GJA8: variants seen among roughly 807,000 people sequenced by gnomAD.
GJA8 encodes gap junction alpha-8 protein.
Under a neutral mutation model 15.3 loss-of-function variants are expected in GJA8, and 13 were observed. That is an observed-to-expected ratio of 0.85 (90% confidence interval 0.55 to 1.35). The LOEUF is 1.35. Among genes scored for constraint, GJA8 ranks in the 40% most tolerant of loss-of-function variants. The pLI, the probability that GJA8 is intolerant of heterozygous loss-of-function variation, is 0.00. For synonymous variants in GJA8, 304 were observed against 238.7 expected (o/e 1.27, Z -2.52); for missense variants, 607 against 553.3 (o/e 1.10, Z -0.97).
downstream of GJA8, among the ~76,000 whole-genome samples, chr1:147,912,895 TAAAA>T (rs782718322): frequency 0.035 from 4,215 of 118,948 alleles, 71 homozygotes; most frequent in Non-Finnish European, 0.043. Context: ...GGGCATTATT[TAAAA>T]AAAAAAAAAA....
downstream of GJA8, among the ~76,000 whole-genome samples, chr1:147,910,848 A>C (rs1443954036): frequency 6.6e-6 from 1 of 152,178 alleles, no homozygotes; most frequent in East Asian, 1.9e-4. Flanking sequence ...GTCTCAGGCC[A>C]AGCTTCATCC....
At chr1:147,907,620 G>T (rs1160044588) in intron 1 of GJA8, among the ~76,000 whole-genome samples, 1 of 152,134 alleles carries the variant, frequency 6.6e-6, no homozygotes, top group African/African-American at 2.4e-5. Context: ...GGTCAACAAT[G>T]AATCCTTATT....
In GJA8 at chr1:147,908,445, G is replaced by C; in HGVS notation, c.490G>C (p.Gly164Arg). 1 of 1,614,154 alleles carries C rather than the reference G, an allele frequency of 6.2e-7. No individual in the cohort carries two copies. Among genetic ancestry groups the C allele is most frequent in the Middle Eastern group, 1.6e-4 (1 of 6,062 alleles). The change falls in exon 2 of 2, where the codon GGC (glycine) becomes CGC (arginine). Residue 164 changes from glycine (G) to arginine (R), a missense_variant. Gly to Arg is a moderately radical substitution (Grantham distance 125). Coordinates refer to ENST00000369235, the MANE Select transcript of GJA8 (RefSeq NM_005267.5). ...HIIFKTLFEVGFIVGHYFLYG... is the reference protein window; with the variant it reads ...HIIFKTLFEVRFIVGHYFLYG... ...CATCTTCAAGACCCTCTTTGAAGTG[G>C]GCTTCATCGTGGGCCACTACTTCCT...
Position 147,902,877 on chromosome 1 carries a change from G to T in GJA8, c.-12+16G>T, listed in dbSNP as rs587694184. On this transcript the variant is annotated intron_variant, in intron 1 of 1. Transcript: ENST00000369235. ...CCTTGTATTGGCAAGTTTTCCTTGG[G>T]TGATATTAGTTTGTAACCTTCCCCC... Among the ~76,000 whole-genome samples the T allele has an allele frequency of 6.6e-6, 1 of 152,314 alleles. No homozygotes were observed. Among genetic ancestry groups the T allele is most frequent in the Non-Finnish European group, 1.5e-5 (1 of 68,030 alleles).
In GJA8 at chr1:147,908,500, G is replaced by A. The variant is rs782398342; in HGVS notation, c.545G>A (p.Arg182His). The A allele has an allele frequency of 5.6e-6, 9 of 1,614,144 alleles. No individual in the cohort carries two copies. Among genetic ancestry groups the A allele is most frequent in the South Asian group, 3.3e-5 (3 of 91,076 alleles). The change falls in exon 2 of 2, where the codon CGC becomes CAC. Residue 182 changes from arginine to histidine, a missense_variant. By Grantham distance (29) the Arg-to-His change is conservative. Coordinates refer to ENST00000369235, the MANE Select transcript of GJA8 (RefSeq NM_005267.5). ...LYGFRILPLY[R>H]CSRWPCPNVV... ...GGGTTCCGGATCCTGCCTCTGTACC[G>A]CTGCAGCCGGTGGCCCTGCCCCAAT...
downstream of GJA8, among the ~76,000 whole-genome samples, chr1:147,911,733 G>A (rs1291295854): frequency 2.6e-5 from 4 of 152,174 alleles, no homozygotes; most frequent in East Asian, 1.9e-4. Flanking sequence ...ATTTTAGGAA[G>A]AGCCTTATGA....
In GJA8 at chr1:147,909,201, C is replaced by T. The variant is rs200118654; in HGVS notation, c.1246C>T (p.Leu416=). ...PELTTDDARP[L]SRLSKASSRA... ...GCTGACAACAGATGATGCCAGACCC[C>T]TGAGCAGGCTAAGCAAAGCCAGCAG... Residue 416 remains leucine (L), a synonymous_variant, in exon 2 of 2, where the codon CTG becomes TTG. Coordinates refer to ENST00000369235, the MANE Select transcript of GJA8 (RefSeq NM_005267.5). 1 of 1,588,744 alleles carries T rather than the reference C, an allele frequency of 6.3e-7. No homozygotes were observed. The highest frequency in any genetic ancestry group is 2.3e-5 in the East Asian group (1 of 43,050).
Position 147,908,289 on chromosome 1 carries a change from G to A in GJA8, c.334G>A (p.Glu112Lys). 1 of 1,614,166 alleles carries A rather than the reference G, an allele frequency of 6.2e-7. No individual in the cohort carries two copies. The highest frequency in any genetic ancestry group is 8.5e-7 in the Non-Finnish European group (1 of 1,180,018). ...GGAGAAGCGCAAAAGCCGCGAGGCG[G>A]AGGAGCTGGGCCAGCAGGCGGGGAC... ...MEEKRKSREA[E>K]ELGQQAGTNG... Residue 112 changes from glutamate to lysine, a missense_variant, in exon 2 of 2, where the codon GAG becomes AAG. Coordinates refer to ENST00000369235, the MANE Select transcript of GJA8 (RefSeq NM_005267.5).
chr1:147,909,625 G>A (rs890607355), downstream of GJA8, among the ~76,000 whole-genome samples: 1 of 152,150 alleles, frequency 6.6e-6, no homozygotes. Flanking sequence ...AGCTCACTAA[G>A]CCAGAATCTA....
Position 147,908,598 on chromosome 1 carries a change from G to C in GJA8, c.643G>C (p.Val215Leu). The change falls in exon 2 of 2, where the codon GTG becomes CTG. Residue 215 changes from valine (V) to leucine (L), a missense_variant. Transcript: ENST00000369235. ...FILFMLSVAS[V>L]SLFLNVMELG... ...CCTGTTCATGTTGTCTGTGGCCTCTGTGTCCCTATTCCTCAACGTGATGGA... is the reference window on the plus strand; with the variant it reads ...CCTGTTCATGTTGTCTGTGGCCTCTCTGTCCCTATTCCTCAACGTGATGGA... 1 of 1,614,118 alleles carries C rather than the reference G, an allele frequency of 6.2e-7. No individual in the cohort carries two copies. Among genetic ancestry groups the C allele is most frequent in the South Asian group, 1.1e-5 (1 of 91,072 alleles).
downstream of GJA8, among the ~76,000 whole-genome samples, chr1:147,910,598 T>G (rs1553243347): frequency 3.3e-5 from 5 of 152,238 alleles, no homozygotes; most frequent in African/African-American, 1.2e-4. Context: ...AGTTTGTTTT[T>G]CCTGAAGCAA....
rs1553242777 is a variant in GJA8, at chr1:147,908,618, G to A, written c.663G>A (p.Val221=). 1 of 1,614,144 alleles carries A rather than the reference G, an allele frequency of 6.2e-7. No individual in the cohort carries two copies. The highest frequency in any genetic ancestry group is 8.5e-7 in the Non-Finnish European group (1 of 1,180,040). Residue 221 remains valine (V), a synonymous_variant, in exon 2 of 2, where the codon GTG becomes GTA. Coordinates refer to ENST00000369235, the MANE Select transcript of GJA8 (RefSeq NM_005267.5). ...CCTCTGTGTCCCTATTCCTCAACGT[G>A]ATGGAGTTGGGCCACCTGGGCCTGA... ...SVASVSLFLN[V]MELGHLGLKG...
Position 147,908,209 on chromosome 1 carries a change from T to C in GJA8, c.254T>C (p.Val85Ala). Reference protein sequence around the residue: ...IRLWVLQIIFVSTPSLMYVGH... With the variant: ...IRLWVLQIIFASTPSLMYVGH... ...CTCTGGGTGCTGCAGATCATCTTCGTCTCCACCCCGTCCCTGATGTACGTG... is the reference window on the plus strand; with the variant it reads ...CTCTGGGTGCTGCAGATCATCTTCGCCTCCACCCCGTCCCTGATGTACGTG... Residue 85 changes from valine (V) to alanine (A), a missense_variant, in exon 2 of 2, where the codon GTC (valine) becomes GCC (alanine). Transcript: ENST00000369235. 1 of 1,614,142 alleles carries C rather than the reference T, an allele frequency of 6.2e-7. No homozygotes were observed. The highest frequency in any genetic ancestry group is 8.5e-7 in the Non-Finnish European group (1 of 1,180,026).
At chr1:147,913,852 C>T (rs1553243771), downstream of GJA8, among the ~76,000 whole-genome samples, 1 of 152,206 alleles carries the variant, frequency 6.6e-6, no homozygotes, top group Non-Finnish European at 1.5e-5. Flanking sequence ...AAAAACTCTT[C>T]TGAGTGTAAA....
intron 1 of GJA8, among the ~76,000 whole-genome samples, chr1:147,907,138 T>C (rs1400974361): frequency 3.3e-5 from 5 of 152,172 alleles, no homozygotes; most frequent in African/African-American, 1.2e-4. Flanking sequence ...TCTCTTGCCC[T>C]GGCCTCCCAA....
At chr1:147,909,431 A>G (rs2132397), downstream of GJA8, among the ~76,000 whole-genome samples, 25,194 of 152,086 alleles carry the variant, frequency 0.17, 6,293 homozygotes, top group African/African-American at 0.54. Flanking sequence ...AGTCTTTCCC[A>G]CATCCAGCAT....
chr1:147,908,408 C>T lies in GJA8; in HGVS notation c.453C>T (p.Tyr151=), dbSNP rs995504982. 1.9e-6 allele frequency: 3 copies of T among 1,614,194 alleles called. No individual in the cohort carries two copies. Among genetic ancestry groups the T allele is most frequent in the Non-Finnish European group, 2.5e-6 (3 of 1,180,010 alleles). The change falls in exon 2 of 2, where the codon TAC becomes TAT. Residue 151 remains tyrosine (Y), a synonymous_variant. Transcript: ENST00000369235. The stretch of plus-strand genomic sequence containing the variant: ...TGGAGGGGACCCTGCTGAGGACCTA[C>T]ATCTGCCACATCATCTTCAAGACCC... ...FRLEGTLLRT[Y]ICHIIFKTLF... is the part of the protein sequence containing the mutation.
downstream of GJA8, among the ~76,000 whole-genome samples, chr1:147,912,604 A>T (rs587612007): frequency 7.2e-5 from 11 of 152,276 alleles, no homozygotes; most frequent in Admixed American, 3.9e-4. Flanking sequence ...TGACTGAGTC[A>T]GGATTATAAT....
Position 147,907,058 on chromosome 1 carries a change from A to T in GJA8, c.-11-887A>T, listed in dbSNP as rs913744785. 1.1e-4 allele frequency among the ~76,000 whole-genome samples: 16 copies of T among 151,764 alleles called. No homozygotes were observed. The East Asian group carries it at 2.7e-3, about 26-fold the overall frequency. On this transcript the variant is annotated intron_variant, in intron 1 of 1. Transcript: ENST00000369235. ...GCACCACCGAGCCCAGCTAGTTTTT[A>T]AAGTTTTTTGTAGAGATGGGGTCTC...
Sources: gnomAD v4.1 joint callset for allele counts (sites outside exome capture counted in the v4.1 genomes callset) on GRCh38, gnomAD v4.1.1 for gene constraint, MANE v1.5 for transcripts, NCBI Gene and HGNC (gene_info 2026-07-23, HGNC 2026-07-21) for gene names.